PLEKHA6: variants seen among roughly 807,000 people sequenced by gnomAD.
PLEKHA6 encodes pleckstrin homology domain-containing family A member 6.
Under a neutral mutation model 116.7 loss-of-function variants are expected in PLEKHA6, and 60 were observed. The observed-to-expected ratio is 0.51, with a 90% CI of 0.42 to 0.64. PLEKHA6 has a LOEUF of 0.64. Among genes scored for constraint, PLEKHA6 ranks in the 30% least tolerant of loss-of-function variants. The probability of loss-of-function intolerance (pLI) is 0.00; values close to 1 mark genes in which losing one functional copy is unlikely to be tolerated. For missense variants in PLEKHA6, 1,338 were observed against 1,422.7 expected (o/e 0.94, Z 0.96); for synonymous variants, 489 against 556.1 (o/e 0.88, Z 1.70).
chr1:204,292,657 C>T (rs944405044), intron 1 of PLEKHA6, among the ~76,000 whole-genome samples: 1 of 152,198 alleles, frequency 6.6e-6, no homozygotes, highest in Non-Finnish European at 1.5e-5. Flanking sequence ...CTTTGTGGTG[C>T]TCACCCAGCA....
At chr1:204,280,489 T>C (rs1461078937) in intron 1 of PLEKHA6, 1 of 982,908 alleles carries the variant, frequency 1.0e-6, no homozygotes, top group Non-Finnish European at 1.2e-6. Flanking sequence ...TTCATTTCCA[T>C]AGCTCCTGAG....
At chr1:204,249,735 G>A (rs2102651362) in intron 10 of PLEKHA6, among the ~76,000 whole-genome samples, 1 of 152,232 alleles carries the variant, frequency 6.6e-6, no homozygotes, top group Middle Eastern at 3.4e-3. Context: ...GTCTCAGGAT[G>A]GCTGATCCTC....
At chr1:204,233,870 T>C (rs1035663243) in intron 17 of PLEKHA6, among the ~76,000 whole-genome samples, 23 of 152,160 alleles carry the variant, frequency 1.5e-4, no homozygotes, top group Non-Finnish European at 4.4e-5. Context: ...TTTGAGCTGA[T>C]GATATTTCAA....
intron 1 of PLEKHA6, among the ~76,000 whole-genome samples, chr1:204,350,578 G>A (rs1188176242): frequency 6.6e-6 from 1 of 152,176 alleles, no homozygotes; most frequent in East Asian, 1.9e-4. Flanking sequence ...GGAAGGAGAG[G>A]AAGGAACCCA....
At chr1:204,253,057 A>T (rs750312059) in intron 9 of PLEKHA6, among the ~76,000 whole-genome samples, 32 of 152,332 alleles carry the variant, frequency 2.1e-4, no homozygotes, top group Non-Finnish European at 4.4e-4. Context: ...TCAAAATGTT[A>T]GATTTTGTAA....
chr1:204,348,648 G>A (rs1280126006), intron 1 of PLEKHA6, among the ~76,000 whole-genome samples: 1 of 152,026 alleles, frequency 6.6e-6, no homozygotes, highest in East Asian at 1.9e-4. Context: ...CATTTGGCCT[G>A]GGTATTCCAC....
upstream of PLEKHA6, among the ~76,000 whole-genome samples, chr1:204,362,185 C>G (rs1047134639): frequency 6.6e-6 from 1 of 152,180 alleles, no homozygotes; most frequent in African/African-American, 2.4e-5. Context: ...ACAGCAAGGA[C>G]AGGTGAGGCG....
chr1:204,297,959 A>G (rs149643695), intron 1 of PLEKHA6: 3 of 938,120 alleles, frequency 3.2e-6, no homozygotes, highest in African/African-American at 3.6e-5. Context: ...ATCTCTCCCC[A>G]TTGACTTGCC....
At chr1:204,317,280 G>A in intron 1 of PLEKHA6, 1 of 790,542 alleles carries the variant, frequency 1.3e-6, no homozygotes, top group Non-Finnish European at 1.5e-6. Flanking sequence ...CCAGGCAGGG[G>A]CTCCAGTTTG....
At chr1:204,241,942 CTA>C (rs1662884351) in intron 15 of PLEKHA6, 128 bp from the exon 16 acceptor site, 4 of 1,017,144 alleles carry the variant, frequency 3.9e-6, no homozygotes, top group African/African-American at 3.2e-5. Flanking sequence ...CAAGGAAATT[CTA>C]TGTGTGCCGC....
intron 1 of PLEKHA6, among the ~76,000 whole-genome samples, chr1:204,319,040 G>C (rs1434533322): frequency 1.3e-5 from 2 of 152,154 alleles, no homozygotes; most frequent in Non-Finnish European, 2.9e-5. Context: ...TTCCCATCTT[G>C]ATAACTATGC....
At chr1:204,314,618 A>G (rs1231913336) in intron 1 of PLEKHA6, among the ~76,000 whole-genome samples, 8 of 152,184 alleles carry the variant, frequency 5.3e-5, no homozygotes, top group Non-Finnish European at 1.2e-4. Context: ...TCAGATGAGT[A>G]TCCCAACCAA....
At chr1:204,305,916 A>T (rs546362992) in intron 1 of PLEKHA6, among the ~76,000 whole-genome samples, 3 of 152,206 alleles carry the variant, frequency 2.0e-5, no homozygotes, top group Non-Finnish European at 2.9e-5. Flanking sequence ...ATCCCGCATC[A>T]CCTCTCATAC....
chr1:204,259,912 G>T lies in PLEKHA6; in HGVS notation c.525-172C>A, dbSNP rs979718550. Among the ~76,000 whole-genome samples the T allele has an allele frequency of 1.3e-5, 2 of 152,030 alleles. No individual in the cohort carries two copies. Among genetic ancestry groups the T allele is most frequent in the Non-Finnish European group, 2.9e-5 (2 of 68,000 alleles). ...CTAAGTCCCACCCCTTCACCTTCTC[G>T]CTCCAGCCTGGGAAATTATTATACA... On this transcript the variant is annotated intron_variant, in intron 7 of 22. Transcript: ENST00000272203. The surrounding 1 kb of genome is among the most constrained non-coding windows in gnomAD (Gnocchi z 4.6).
intron 9 of PLEKHA6, among the ~76,000 whole-genome samples, chr1:204,255,264 T>C (rs763152176): frequency 1.3e-5 from 2 of 152,132 alleles, no homozygotes; most frequent in Admixed American, 6.5e-5. Context: ...TCCCTAGCAT[T>C]TTAGGCCCAG....
In PLEKHA6 at chr1:204,246,851, T is replaced by A. The variant is rs568623538; in HGVS notation, c.1920+514A>T. ...TTATATTTACACGTCTGTTTTTAAATCCTGCTGGGCACAGTGGCTCATGCC... is the reference window on the plus strand; with the variant it reads ...TTATATTTACACGTCTGTTTTTAAAACCTGCTGGGCACAGTGGCTCATGCC... On this transcript the variant is annotated intron_variant, in intron 13 of 22. Transcript: ENST00000272203. Among the ~76,000 whole-genome samples, 5 of 152,336 alleles carry A rather than the reference T, an allele frequency of 3.3e-5. No homozygotes were observed. In the East Asian group the frequency reaches 7.7e-4, roughly 23 times the overall value.
At chr1:204,347,029 T>C (rs990493888) in intron 1 of PLEKHA6, 1 of 1,440,026 alleles carries the variant, frequency 6.9e-7, no homozygotes, top group Non-Finnish European at 9.7e-7. Flanking sequence ...AACTTGTTTG[T>C]TTACAACAAT....
intron 1 of PLEKHA6, among the ~76,000 whole-genome samples, chr1:204,376,831 C>T (rs1357756552): frequency 6.6e-6 from 1 of 152,188 alleles, no homozygotes; most frequent in Non-Finnish European, 1.5e-5. Flanking sequence ...AGACGCTGTG[C>T]TTCTAGACTT....
intron 1 of PLEKHA6, among the ~76,000 whole-genome samples, chr1:204,312,846 C>CTTTTCTT (rs1463907292): frequency 1.7e-5 from 1 of 58,078 alleles, no homozygotes; most frequent in East Asian, 3.2e-4. Context: ...AGCCCATTTT[C>CTTTTCTT]TTTTCTTTTC....
Sources: gnomAD v4.1 joint callset for allele counts (sites outside exome capture counted in the v4.1 genomes callset) on GRCh38, gnomAD v4.1.1 for gene constraint, Gnocchi (gnomAD v3.1) non-coding constraint, MANE v1.5 for transcripts, NCBI Gene and HGNC (gene_info 2026-07-23, HGNC 2026-07-21) for gene names.